The following SND1 variants were observed in gnomAD, a reference collection of about 807,000 sequenced individuals.
SND1 encodes staphylococcal nuclease and tudor domain containing 1, also known as staphylococcal nuclease domain-containing protein 1.
In SND1, 38 loss-of-function variants were observed where a neutral mutation model predicts 121.7. That is an observed-to-expected ratio of 0.31 (90% CI 0.24 to 0.41). SND1 has a LOEUF of 0.41. SND1 is among the 10% of genes least tolerant of loss of function. SND1 has a pLI of 1.00. For missense variants in SND1, 868 were observed against 1,184.6 expected (o/e 0.73, Z 3.92); for synonymous variants, 401 against 447.4 (o/e 0.90, Z 1.31).
At position 128,029,840 on chromosome 7, in the gene SND1, T is replaced by C; in HGVS notation, c.1779+38784T>C. 2 of 1,613,532 alleles carry C rather than the reference T, an allele frequency of 1.2e-6. No homozygotes were observed. Among genetic ancestry groups the C allele is most frequent in the Non-Finnish European group, 1.7e-6 (2 of 1,180,018 alleles). ...TGTGGGCCAAGTTGAGTTCCACAAG[T>C]GAAGCCAGCCCGTCAAAAGCATTCC... On this transcript the variant is annotated intron_variant, in intron 16 of 23. Transcript: ENST00000354725. The surrounding 1 kb of genome is among the most constrained non-coding windows in gnomAD (Gnocchi z 4.2).
intron 10 of SND1, among the ~76,000 whole-genome samples, chr7:127,793,426 A>G (rs1224826701): frequency 6.6e-6 from 1 of 152,198 alleles, no homozygotes; most frequent in Non-Finnish European, 1.5e-5. Context: ...TTAATGTGCA[A>G]GCAGATAGCA....
At chr7:128,078,431 TTTGTGTATGGAGACACCTTGCTTC>T (rs1272788959) in intron 17 of SND1, among the ~76,000 whole-genome samples, 1 of 152,236 alleles carries the variant, frequency 6.6e-6, no homozygotes, top group Non-Finnish European at 1.5e-5. Context: ...TGCCAGCCAC[TTTGTGTATGGAGACACCTTGCTTC>T]TGCTGTCTTC....
chr7:127,740,034 T>C (rs1796851733), intron 10 of SND1, among the ~76,000 whole-genome samples: 1 of 152,248 alleles, frequency 6.6e-6, no homozygotes, highest in Non-Finnish European at 1.5e-5. Flanking sequence ...GTTGCACTTC[T>C]GGCTGGCAGA....
intron 12 of SND1, among the ~76,000 whole-genome samples, chr7:127,851,015 A>C (rs1269244082): frequency 6.6e-6 from 1 of 152,138 alleles, no homozygotes; most frequent in Non-Finnish European, 1.5e-5. Flanking sequence ...TTTTGTTCAG[A>C]TATTTCGTGG....
At chr7:127,942,341 T>C (rs1801231654) in intron 15 of SND1, among the ~76,000 whole-genome samples, 2 of 152,188 alleles carry the variant, frequency 1.3e-5, no homozygotes, top group Admixed American at 1.3e-4. Context: ...AGGTGGGTCT[T>C]TTAAGTGAGA....
intron 16 of SND1, among the ~76,000 whole-genome samples, chr7:128,048,495 C>T (rs969829977): frequency 5.9e-5 from 9 of 152,244 alleles, no homozygotes; most frequent in East Asian, 1.9e-4. Flanking sequence ...TGGTTTGAAA[C>T]GACAAATGTT....
rs774432837 is a variant in SND1 at position 128,084,765 on chromosome 7, A to G, written c.2152A>G (p.Ile718Val). The G allele has an allele frequency of 1.9e-6, 3 of 1,610,538 alleles. No homozygotes were observed. The highest frequency in any genetic ancestry group is 1.7e-6 in the Non-Finnish European group (2 of 1,177,804). Reference sequence around the variant, plus strand: ...GCTGATGGAGAACATGCGCAATGACATTGCCAGTCACCCCCCTGTAGAGGG... The same window carrying G: ...GCTGATGGAGAACATGCGCAATGACGTTGCCAGTCACCCCCCTGTAGAGGG... Reference protein sequence around the residue: ...EKLMENMRNDIASHPPVEGSY... With the variant: ...EKLMENMRNDVASHPPVEGSY... The change falls in exon 19 of 24, where the codon ATT (isoleucine) becomes GTT (valine). Residue 718 changes from isoleucine (I) to valine (V), a missense_variant. Around this residue, in one of 2 missense-constraint regions of SND1, gnomAD observed 743 missense variants for 1,071.3 expected, o/e 0.69. Transcript: ENST00000354725.
chr7:128,091,946 G>A (rs770819471), intron 23 of SND1, 47 bp from the exon 24 acceptor site: 40 of 1,613,748 alleles, frequency 2.5e-5, no homozygotes, highest in South Asian at 9.9e-5. Flanking sequence ...TCTGAGTTCC[G>A]GTGGGTCCCG....
At chr7:127,850,896 A>G (rs1799153585) in intron 12 of SND1, among the ~76,000 whole-genome samples, 1 of 152,206 alleles carries the variant, frequency 6.6e-6, no homozygotes, top group African/African-American at 2.4e-5. Flanking sequence ...CATAGCAATC[A>G]TTTTAAGACA....
At chr7:127,854,369 T>C (rs1799228471) in intron 12 of SND1, among the ~76,000 whole-genome samples, 1 of 152,128 alleles carries the variant, frequency 6.6e-6, no homozygotes, top group African/African-American at 2.4e-5. Context: ...CCTTAAGTGA[T>C]CTGCCTACCT....
intron 1 of SND1, among the ~76,000 whole-genome samples, chr7:127,678,597 C>T (rs1795655673): frequency 1.3e-5 from 2 of 152,178 alleles, no homozygotes; most frequent in Admixed American, 1.3e-4. Flanking sequence ...TACGCACACA[C>T]ACACAAAACA....
chr7:127,953,396 G>A (rs1801514558), intron 15 of SND1, among the ~76,000 whole-genome samples: 1 of 151,700 alleles, frequency 6.6e-6, no homozygotes. Context: ...TCCTCTTCTA[G>A]TCTTTTTTAC....
chr7:127,816,809 T>G (rs947647078), intron 11 of SND1, among the ~76,000 whole-genome samples: 22 of 151,986 alleles, frequency 1.4e-4, no homozygotes, highest in African/African-American at 4.6e-4. Flanking sequence ...ACTACAGGCA[T>G]GTACCACCAA....
At chr7:127,923,280 G>C (rs756916726) in intron 14 of SND1, among the ~76,000 whole-genome samples, 2 of 152,186 alleles carry the variant, frequency 1.3e-5, no homozygotes, top group Non-Finnish European at 2.9e-5. Flanking sequence ...AAAGATAATT[G>C]ATGGCCTAGC....
intron 12 of SND1, among the ~76,000 whole-genome samples, chr7:127,876,196 A>G (rs974652481): frequency 2.6e-5 from 4 of 152,032 alleles, no homozygotes; most frequent in Admixed American, 6.6e-5. Context: ...TTGTCTTCGT[A>G]TTAGAAAATT....
At chr7:127,660,678 A>G (rs966558533) in intron 1 of SND1, among the ~76,000 whole-genome samples, 2 of 152,080 alleles carry the variant, frequency 1.3e-5, no homozygotes, top group African/African-American at 4.8e-5. Flanking sequence ...AACATTTCAG[A>G]TTTTGGATTT....
At chr7:127,784,782 A>T (rs900289325) in intron 10 of SND1, among the ~76,000 whole-genome samples, 14 of 152,226 alleles carry the variant, frequency 9.2e-5, no homozygotes, top group Non-Finnish European at 1.2e-4. Flanking sequence ...AAAAGGTTTT[A>T]TTTATTGAAA....
chr7:127,872,481 C>T (rs939055176), intron 12 of SND1, among the ~76,000 whole-genome samples: 2 of 152,100 alleles, frequency 1.3e-5, no homozygotes, highest in African/African-American at 2.4e-5. Context: ...TGTTTATTCC[C>T]AGCATTTCTG....
At chr7:127,806,208 G>A (rs905284187) in intron 10 of SND1, among the ~76,000 whole-genome samples, 22 of 152,238 alleles carry the variant, frequency 1.4e-4, no homozygotes, top group Non-Finnish European at 2.9e-4. Flanking sequence ...CTTGACTTAC[G>A]CATGTCATCA....
Sources: gnomAD v4.1 joint callset for allele counts (sites outside exome capture counted in the v4.1 genomes callset) on GRCh38, gnomAD v4.1.1 for gene constraint, gnomAD v4.1.1 regional missense constraint, Gnocchi (gnomAD v3.1) non-coding constraint, MANE v1.5 for transcripts, NCBI Gene and HGNC (gene_info 2026-07-23, HGNC 2026-07-21) for gene names.